The following CBFA2T3 variants were observed in gnomAD, a reference collection of about 807,000 sequenced individuals.
The protein encoded by CBFA2T3 is CBFA2/RUNX1 partner transcriptional co-repressor 3, also known as transcriptional corepressor CBFA2T3.
A neutral mutation model predicts 58.6 loss-of-function variants in CBFA2T3; 31 were observed. The ratio of observed to expected loss-of-function variants is 0.53; its 90% CI spans 0.40 to 0.71. The LOEUF is 0.71. Among genes scored for constraint, CBFA2T3 ranks in the 30% least tolerant of loss-of-function variants. The probability of loss-of-function intolerance (pLI) is 0.00; values close to 1 mark genes in which losing one functional copy is unlikely to be tolerated. For synonymous variants in CBFA2T3, 531 were observed against 421.9 expected (o/e 1.26, Z -3.17); for missense variants, 1,076 against 963.1 (o/e 1.12, Z -1.55).
intron 1 of CBFA2T3, among the ~76,000 whole-genome samples, chr16:88,967,198 C>T (rs1308166370): frequency 2.7e-5 from 3 of 113,048 alleles, no homozygotes; most frequent in Admixed American, 8.4e-5. Context: ...GGCCCCGACA[C>T]GAGGCAGCGC....
At chr16:88,898,026 T>C (rs1969952923) in intron 3 of CBFA2T3, 52 bp downstream of exon 3, 2 of 1,327,424 alleles carry the variant, frequency 1.5e-6, no homozygotes, top group Admixed American at 1.7e-5. Flanking sequence ...CAGCTGAGGA[T>C]GCTGCGGTGA....
At chr16:88,929,313 C>T (rs889706314) in intron 1 of CBFA2T3, among the ~76,000 whole-genome samples, 4 of 152,220 alleles carry the variant, frequency 2.6e-5, no homozygotes, top group African/African-American at 4.8e-5. Flanking sequence ...GGCACACCAT[C>T]GCCTGTGAGA....
At chr16:88,900,663 T>C (rs1421788858) in intron 2 of CBFA2T3, among the ~76,000 whole-genome samples, 1 of 152,054 alleles carries the variant, frequency 6.6e-6, no homozygotes, top group Non-Finnish European at 1.5e-5. Context: ...AGGTGGTACA[T>C]GGAGTCTCCC....
chr16:88,894,218 G>A (rs1646236), intron 3 of CBFA2T3, among the ~76,000 whole-genome samples: 4,095 of 64,094 alleles, frequency 0.064, 39 homozygotes, highest in Middle Eastern at 0.14. Context: ...ACACATGCAC[G>A]CACACATGCA....
chr16:88,885,142 G>T lies in CBFA2T3; in HGVS notation c.1021C>A (p.His341Asn). ...ATGGCTATGTCCTCCAGGCGGTAGT[G>T]CGGCGGCGGTGTGGGCTGCGGTGGC... The part of the protein sequence containing the change: ...NGPPQPTPPP[H>N]YRLEDIAMAH... The change falls in exon 7 of 12, where the codon CAC becomes AAC. Residue 341 changes from histidine to asparagine, a missense_variant. Coordinates refer to ENST00000268679, the MANE Select transcript of CBFA2T3 (RefSeq NM_005187.6). This position sits in a 1 kb window ranked among gnomAD's most constrained non-coding sequence, Gnocchi z 5.3. The T allele has an allele frequency of 6.2e-7, 1 of 1,601,160 alleles. No homozygotes were observed.
At chr16:88,905,714 G>T (rs1210863780) in intron 1 of CBFA2T3, among the ~76,000 whole-genome samples, 31 of 139,490 alleles carry the variant, frequency 2.2e-4, no homozygotes, top group Admixed American at 6.3e-4. Flanking sequence ...CGGGGCTGGA[G>T]GGGCGGGGCT....
At chr16:88,941,028 G>A (rs1467060188) in intron 1 of CBFA2T3, 1 of 984,088 alleles carries the variant, frequency 1.0e-6, no homozygotes, top group Non-Finnish European at 1.2e-6. Context: ...ACGGTCGGGG[G>A]GTCCGGGGGA....
intron 1 of CBFA2T3, among the ~76,000 whole-genome samples, chr16:88,956,996 G>A (rs970165566): frequency 2.8e-5 from 4 of 142,702 alleles, no homozygotes; most frequent in Admixed American, 6.9e-5. Context: ...GCCTGAAGTC[G>A]GCTGAACCAC....
chr16:88,975,977 G>C (rs1022205724), intron 1 of CBFA2T3, among the ~76,000 whole-genome samples: 1 of 152,224 alleles, frequency 6.6e-6, no homozygotes, highest in Non-Finnish European at 1.5e-5. Flanking sequence ...ACTGGGAATC[G>C]GGGCCACCAG....
intron 1 of CBFA2T3, chr16:88,937,002 C>T (rs1825018044): frequency 6.6e-6 from 1 of 152,262 alleles, no homozygotes; most frequent in Non-Finnish European, 1.5e-5. Context: ...AGGGCGGTTT[C>T]CACTCCAGGA....
At chr16:88,896,218 C>G (rs912085301) in intron 3 of CBFA2T3, among the ~76,000 whole-genome samples, 5 of 152,310 alleles carry the variant, frequency 3.3e-5, no homozygotes, top group Non-Finnish European at 7.4e-5. Context: ...CTCAGACTTT[C>G]CCTACGGGGG....
intron 1 of CBFA2T3, among the ~76,000 whole-genome samples, chr16:88,919,220 C>T (rs888499414): frequency 2.0e-5 from 3 of 152,044 alleles, no homozygotes; most frequent in Admixed American, 6.5e-5. Context: ...GCGAGCCAAT[C>T]GGGACAAATA....
chr16:88,898,101 A>G lies in CBFA2T3; in HGVS notation c.356T>C (p.Leu119Ser). 1 of 1,613,108 alleles carries G rather than the reference A, an allele frequency of 6.2e-7. No homozygotes were observed. Among genetic ancestry groups the G allele is most frequent in the East Asian group, 2.2e-5 (1 of 44,872 alleles). ...ACAGAGACAGACCATAGACCATTTT[A>G]AGCAGCCATGAAAACGGCCGTGGGG... ...TLPHGRFHGC[L>S]KWSMVCLLMN... is the part of the protein sequence containing the mutation. The change falls in exon 3 of 12, where the codon TTA (leucine) becomes TCA (serine). Residue 119 changes from leucine to serine, a missense_variant. By Grantham distance (145) the Leu-to-Ser change is moderately radical. Transcript: ENST00000268679.
chr16:88,896,487 G>A (rs1361365409), intron 3 of CBFA2T3, among the ~76,000 whole-genome samples: 2 of 152,178 alleles, frequency 1.3e-5, no homozygotes, highest in African/African-American at 2.4e-5. Context: ...GATGCACCGA[G>A]CCCCTGGTCT....
rs143043820 is a variant in CBFA2T3 at position 88,901,515 on chromosome 16, G to A, written c.293C>T (p.Thr98Met). The A allele has an allele frequency of 1.1e-3, 1,570 of 1,474,826 alleles. 1 individual carries two copies. Among genetic ancestry groups the A allele is most frequent in the Non-Finnish European group, 1.3e-3 (1,412 of 1,116,686 alleles). The allele number at this position is 1,474,826 out of a possible 1,614,324, so 91.4% of individuals were successfully genotyped here. Residue 98 changes from threonine (T) to methionine (M), a missense_variant, in exon 2 of 12, where the codon ACG (threonine) becomes ATG (methionine). Transcript: ENST00000268679. ...SQGATRPPSF[T>M]PHTHREDGPA... ...TGGGGGCTACTTACGTGTGTGTGGC[G>A]TGAAGGAGGGGGGGCGTGTGGCCCC... is the stretch of plus-strand genomic sequence containing the variant.
chr16:88,895,200 G>A (rs574470616), intron 3 of CBFA2T3, among the ~76,000 whole-genome samples: 1 of 152,350 alleles, frequency 6.6e-6, no homozygotes, highest in South Asian at 2.1e-4. Context: ...CCTCCAGAGG[G>A]CACTGACCAG....
intron 7 of CBFA2T3, 56 bp downstream of exon 7, chr16:88,884,990 G>T (rs117264176): frequency 0.011 from 14,713 of 1,332,074 alleles, 114 homozygotes; most frequent in Non-Finnish European, 0.014. Context: ...GTACATGTGG[G>T]CGCATGTGTG....
chr16:88,881,340 G>A lies in CBFA2T3; in HGVS notation c.1353C>T (p.Ala451=), dbSNP rs367606571. The change falls in exon 9 of 12, where the codon GCC becomes GCT. Residue 451 remains alanine (A), a synonymous_variant. Transcript: ENST00000268679. The part of the protein sequence containing the change: ...AEDTKKGPAP[A]AARPRSSSAG... ...CGGAGCTGCTGCGGGGCCGGGCCGC[G>A]GCGGGAGCGGGGCCCTTCTTTGTGT... 6.3e-6 allele frequency: 10 copies of A among 1,581,676 alleles called. No individual in the cohort carries two copies. The highest frequency in any genetic ancestry group is 5.4e-5 in the African/African-American group (4 of 74,240).
At chr16:88,949,203 G>T (rs1280020729) in intron 1 of CBFA2T3, among the ~76,000 whole-genome samples, 1 of 152,240 alleles carries the variant, frequency 6.6e-6, no homozygotes, top group Non-Finnish European at 1.5e-5. Context: ...AGCTGGAGGG[G>T]TTTGGCCGTG....
Sources: gnomAD v4.1 joint callset for allele counts (sites outside exome capture counted in the v4.1 genomes callset) on GRCh38, gnomAD v4.1.1 for gene constraint, Gnocchi (gnomAD v3.1) non-coding constraint, MANE v1.5 for transcripts, NCBI Gene and HGNC (gene_info 2026-07-23, HGNC 2026-07-21) for gene names.